CELF1: variants seen among roughly 807,000 people sequenced by gnomAD.
CELF1 encodes the protein 50 kDa nuclear polyadenylated RNA-binding protein.
A neutral mutation model predicts 61.8 loss-of-function variants in CELF1; 10 were observed. The observed-to-expected ratio is 0.16, with a 90% CI of 0.10 to 0.27. The LOEUF is 0.27. CELF1 is among the 10% of genes least tolerant of loss of function. The pLI, the probability that CELF1 is intolerant of heterozygous loss-of-function variation, is 1.00. For missense variants in CELF1, 380 were observed against 639.1 expected, an observed-to-expected ratio of 0.59 and a Z score of 4.37; for synonymous variants, 236 against 225.1, an observed-to-expected ratio of 1.05 and a Z score of -0.43.
intron 1 of CELF1, among the ~76,000 whole-genome samples, chr11:47,537,424 T>C (rs1392745212): frequency 1.3e-5 from 2 of 152,072 alleles, no homozygotes; most frequent in Admixed American, 6.6e-5. Flanking sequence ...ATTTCTGTTA[T>C]TTTTAGTAGA....
chr11:47,548,703 T>C (rs1417664379), intron 1 of CELF1, among the ~76,000 whole-genome samples: 2 of 151,686 alleles, frequency 1.3e-5, no homozygotes, highest in Non-Finnish European at 2.9e-5. Context: ...CCCTCTCTAC[T>C]AAAAATACAA....
At chr11:47,550,488 T>C (rs2097110335) in intron 1 of CELF1, among the ~76,000 whole-genome samples, 1 of 152,010 alleles carries the variant, frequency 6.6e-6, no homozygotes, top group Non-Finnish European at 1.5e-5. Context: ...CACTCCAGTA[T>C]GGTTGACAGA....
chr11:47,498,864 T>C (rs1393793676), intron 3 of CELF1, among the ~76,000 whole-genome samples: 2 of 152,110 alleles, frequency 1.3e-5, no homozygotes, highest in African/African-American at 2.4e-5. Flanking sequence ...TTTGCTTTTT[T>C]TGGAGGGTAA....
intron 2 of CELF1, among the ~76,000 whole-genome samples, chr11:47,559,117 A>G: frequency 6.8e-6 from 1 of 147,254 alleles, no homozygotes; most frequent in Non-Finnish European, 1.5e-5. Context: ...ATTTTTTGAG[A>G]CGGAGTCTTG....
At chr11:47,483,112 A>G (rs969778844) in intron 8 of CELF1, among the ~76,000 whole-genome samples, 3 of 151,814 alleles carry the variant, frequency 2.0e-5, no homozygotes. Context: ...AAAAATACAA[A>G]AATTAACTGG....
chr11:47,474,664 G>A (rs878861170), intron 13 of CELF1, among the ~76,000 whole-genome samples: 2 of 152,188 alleles, frequency 1.3e-5, no homozygotes, highest in Admixed American at 6.5e-5. Flanking sequence ...TGTGACAAGA[G>A]GACACTCATC....
chr11:47,494,932 G>A (rs1354312009), intron 3 of CELF1, among the ~76,000 whole-genome samples: 1 of 152,182 alleles, frequency 6.6e-6, no homozygotes, highest in Non-Finnish European at 1.5e-5. Flanking sequence ...TGTTGTTTTT[G>A]TAAAGACAGG....
chr11:47,525,856 G>A (rs1260314256), intron 1 of CELF1, among the ~76,000 whole-genome samples: 5 of 151,816 alleles, frequency 3.3e-5, no homozygotes, highest in Non-Finnish European at 7.4e-5. Context: ...AAGGTGGGTG[G>A]ACCACTTGAG....
At chr11:47,486,028 G>A (rs2086726928) in intron 6 of CELF1, among the ~76,000 whole-genome samples, 1 of 135,024 alleles carries the variant, frequency 7.4e-6, no homozygotes, top group African/African-American at 2.8e-5. Context: ...GGGCGTGGTG[G>A]CAGGCACCTG....
intron 3 of CELF1, chr11:47,494,591 C>T: frequency 6.2e-6 from 4 of 642,048 alleles, no homozygotes; most frequent in Non-Finnish European, 7.7e-6. Flanking sequence ...AATTTCCCCA[C>T]CCCAGGCCTA....
At chr11:47,545,442 T>C (rs1265256558) in intron 1 of CELF1, among the ~76,000 whole-genome samples, 1 of 151,900 alleles carries the variant, frequency 6.6e-6, no homozygotes, top group African/African-American at 2.4e-5. Flanking sequence ...AAAGAACAAA[T>C]AAATACTGAC....
chr11:47,516,639 C>T (rs532202508), intron 1 of CELF1, among the ~76,000 whole-genome samples: 7 of 151,026 alleles, frequency 4.6e-5, no homozygotes, highest in East Asian at 3.9e-4. Context: ...CTCGCTCTGT[C>T]GCCTAGGCTG....
At chr11:47,484,709 G>C (rs1037573869) in intron 6 of CELF1, among the ~76,000 whole-genome samples, 186 bp from the exon 7 acceptor site, 1 of 152,002 alleles carries the variant, frequency 6.6e-6, no homozygotes, top group Non-Finnish European at 1.5e-5. Context: ...ATGGAGTTTC[G>C]CTCTTGTTGC....
At chr11:47,546,765 C>T (rs1401922296) in intron 1 of CELF1, among the ~76,000 whole-genome samples, 1 of 152,032 alleles carries the variant, frequency 6.6e-6, no homozygotes, top group Non-Finnish European at 1.5e-5. Flanking sequence ...TTTCAGCACA[C>T]ATTTTTTGAA....
intron 2 of CELF1, among the ~76,000 whole-genome samples, chr11:47,562,529 C>CA (rs35621873): frequency 0.95 from 86,628 of 91,134 alleles, 41,302 homozygotes; most frequent in South Asian, 0.97. Context: ...AACTCTATCT[C>CA]AAAAAAAAAA....
intron 9 of CELF1, among the ~76,000 whole-genome samples, chr11:47,480,379 G>A (rs1479085943): frequency 1.3e-5 from 2 of 152,126 alleles, no homozygotes; most frequent in East Asian, 3.9e-4. Flanking sequence ...AAGCCACCGC[G>A]CCTGGCCTTT....
intron 9 of CELF1, among the ~76,000 whole-genome samples, chr11:47,480,089 C>CGTTTTT (rs1366108590): frequency 7.2e-6 from 1 of 139,166 alleles, no homozygotes; most frequent in African/African-American, 2.7e-5. Flanking sequence ...CACGTCTACA[C>CGTTTTT]TTTTTTTTTT....
Position 47,477,344 on chromosome 11 carries a change from T to C in CELF1, c.926A>G (p.Asn309Ser), listed in dbSNP as rs778465320. Residue 309 changes from asparagine to serine, a missense_variant, in exon 11 of 15, where the codon AAT becomes AGT. Physicochemically the swap from Asn to Ser is conservative, Grantham distance 46. Transcript: ENST00000687097. Reference protein sequence around the residue: ...SAAQNTPSGTNALTTSSSPLS... With the variant: ...SAAQNTPSGTSALTTSSSPLS... Reference sequence around the variant, plus strand: ...GGGACTGCTGGATGTAGTGAGAGCATTGGTACCACTTGGTGTGTTCTGAGC... The same window carrying C: ...GGGACTGCTGGATGTAGTGAGAGCACTGGTACCACTTGGTGTGTTCTGAGC... The C allele has an allele frequency of 3.8e-5, 62 of 1,613,802 alleles. No homozygotes were observed. Among genetic ancestry groups the C allele is most frequent in the South Asian group, 2.5e-4 (23 of 91,082 alleles).
intron 1 of CELF1, among the ~76,000 whole-genome samples, chr11:47,503,450 A>C (rs535561879): frequency 1.6e-4 from 24 of 152,334 alleles, no homozygotes; most frequent in Admixed American, 7.8e-4. Context: ...GCAATAAAGT[A>C]AAGTCTAGTT....
Sources: allele counts gnomAD v4.1 joint callset (sites outside exome capture counted in the v4.1 genomes callset), GRCh38; gene constraint gnomAD v4.1.1; transcripts MANE v1.5; gene names NCBI Gene and HGNC (gene_info 2026-07-23, HGNC 2026-07-21).